ZBTB16: variants seen among roughly 807,000 people sequenced by gnomAD.
ZBTB16 encodes zinc finger and BTB domain-containing protein 16.
Under a neutral mutation model 56.8 loss-of-function variants are expected in ZBTB16, and 8 were observed. The observed-to-expected ratio is 0.14, with a 90% CI of 0.08 to 0.25. ZBTB16 has a LOEUF of 0.25. ZBTB16 is among the 10% of genes least tolerant of loss of function. ZBTB16 has a pLI of 1.00. For synonymous variants in ZBTB16, 363 were observed against 368.5 expected (o/e 0.98, Z 0.17); for missense variants, 625 against 903.0 (o/e 0.69, Z 3.95).
In ZBTB16 at chr11:114,252,431, G is replaced by T. The variant is rs1308248607; in HGVS notation, c.*1876G>T. 1.3e-5 allele frequency among the ~76,000 whole-genome samples: 2 copies of T among 151,904 alleles called. No individual in the cohort carries two copies. Among genetic ancestry groups the T allele is most frequent in the Non-Finnish European group, 2.9e-5 (2 of 67,988 alleles). ...TTTGTTGTGTTGGGGTGGGGGTGTTGTTTTTCTAAAAGCTACCTCTTATGT... is the reference window on the plus strand; with the variant it reads ...TTTGTTGTGTTGGGGTGGGGGTGTTTTTTTTCTAAAAGCTACCTCTTATGT... On this transcript the variant is annotated 3_prime_UTR_variant, in exon 7 of 7. Coordinates refer to ENST00000335953, the MANE Select transcript of ZBTB16 (RefSeq NM_006006.6).
At chr11:114,215,417 C>T (rs973482820) in intron 4 of ZBTB16, among the ~76,000 whole-genome samples, 1 of 152,264 alleles carries the variant, frequency 6.6e-6, no homozygotes, top group African/African-American at 2.4e-5. Flanking sequence ...CCAGGATGAC[C>T]AAGACCTCAC....
chr11:114,244,056 C>A (rs955029543), intron 5 of ZBTB16, among the ~76,000 whole-genome samples: 2 of 152,186 alleles, frequency 1.3e-5, no homozygotes, highest in Non-Finnish European at 2.9e-5. Flanking sequence ...ACTGCGCACA[C>A]AAGCCATATA....
At chr11:114,210,206 T>TGC (rs141588183) in intron 4 of ZBTB16, among the ~76,000 whole-genome samples, 5,427 of 118,082 alleles carry the variant, frequency 0.046, 146 homozygotes, top group Middle Eastern at 0.1. Context: ...TGCGCGCGCG[T>TGC]GCACAGTTTG....
intron 2 of ZBTB16, among the ~76,000 whole-genome samples, chr11:114,131,029 C>T (rs1164029013): frequency 1.3e-5 from 2 of 152,184 alleles, no homozygotes; most frequent in Non-Finnish European, 2.9e-5. Context: ...TCTTGCAGCA[C>T]ACGAGGGCCG....
chr11:114,140,956 T>A (rs1425740543), intron 2 of ZBTB16, among the ~76,000 whole-genome samples: 3 of 152,088 alleles, frequency 2.0e-5, no homozygotes, highest in African/African-American at 7.2e-5. Flanking sequence ...CCCAGCCAGC[T>A]CCATTGTTTC....
At chr11:114,210,111 C>A (rs1207368555) in intron 4 of ZBTB16, 4 of 251,156 alleles carry the variant, frequency 1.6e-5, no homozygotes, top group Non-Finnish European at 2.5e-5. Flanking sequence ...CTCTGTGAAA[C>A]ATTGCAAATG....
In ZBTB16 at chr11:114,064,179, G is replaced by A. The variant is rs1176908997; in HGVS notation, c.879G>A (p.Arg293=). The A allele has an allele frequency of 1.9e-6, 3 of 1,613,902 alleles. No homozygotes were observed. Among genetic ancestry groups the A allele is most frequent in the Admixed American group, 1.7e-5 (1 of 60,018 alleles). Residue 293 remains arginine, a synonymous_variant, in exon 2 of 7, where the codon AGG becomes AGA. Transcript: ENST00000335953. This position sits in a 1 kb window ranked among gnomAD's most constrained non-coding sequence, Gnocchi z 4.2. The part of the protein sequence containing the change: ...PTRSSVITSA[R]ELHYGREESA... ...GAAGCAGCGTCATCACCAGTGCTAG[G>A]GAGCTACACTATGGGCGAGAGGAGA...
At chr11:114,112,760 C>CTT (rs398017637) in intron 2 of ZBTB16, among the ~76,000 whole-genome samples, 2,512 of 133,102 alleles carry the variant, frequency 0.019, 54 homozygotes, top group African/African-American at 0.043. Context: ...AGTTCATTTT[C>CTT]TTTTTTTTTT....
chr11:114,216,957 G>C (rs1432331713), intron 4 of ZBTB16, among the ~76,000 whole-genome samples: 5 of 152,098 alleles, frequency 3.3e-5, no homozygotes, highest in Non-Finnish European at 7.3e-5. Flanking sequence ...TTATACACAG[G>C]ATACTGTGGT....
At chr11:114,105,791 A>G (rs1387385936) in intron 2 of ZBTB16, among the ~76,000 whole-genome samples, 1 of 152,206 alleles carries the variant, frequency 6.6e-6, no homozygotes, top group Non-Finnish European at 1.5e-5. Context: ...ACAAATTGTC[A>G]CCGAGGGTAC....
At chr11:114,207,055 A>G (rs563892066) in intron 4 of ZBTB16, among the ~76,000 whole-genome samples, 2 of 152,116 alleles carry the variant, frequency 1.3e-5, no homozygotes, top group Non-Finnish European at 2.9e-5. Flanking sequence ...AAAGGTGGCA[A>G]TGGAGGGTGG....
intron 3 of ZBTB16, among the ~76,000 whole-genome samples, chr11:114,185,670 T>C (rs1384429653): frequency 6.6e-6 from 1 of 152,134 alleles, no homozygotes; most frequent in African/African-American, 2.4e-5. Context: ...AGCAAGGGCC[T>C]GAATGGGGTG....
In ZBTB16 at chr11:114,253,000, G is replaced by C. The variant is rs141654946; in HGVS notation, c.*2445G>C. ...AAGTTAAACTTGAAATACGTGACTA[G>C]AACAGTTGTCATGTTTATAATGTGA... On this transcript the variant is annotated 3_prime_UTR_variant, in exon 7 of 7. Transcript: ENST00000335953. Among the ~76,000 whole-genome samples, 1 of 152,312 alleles carries C rather than the reference G, an allele frequency of 6.6e-6. No individual in the cohort carries two copies. The highest frequency in any genetic ancestry group is 2.4e-5 in the African/African-American group (1 of 41,560).
chr11:114,237,023 A>G (rs967135030), intron 4 of ZBTB16, among the ~76,000 whole-genome samples: 2 of 152,186 alleles, frequency 1.3e-5, no homozygotes, highest in Admixed American at 1.3e-4. Flanking sequence ...CAGCTTAGGC[A>G]TGTGTATTGT....
At chr11:114,151,395 C>T (rs1193298349) in intron 2 of ZBTB16, among the ~76,000 whole-genome samples, 1 of 152,166 alleles carries the variant, frequency 6.6e-6, no homozygotes, top group African/African-American at 2.4e-5. Context: ...TATAAATGCC[C>T]TTACAGGATG....
intron 3 of ZBTB16, among the ~76,000 whole-genome samples, chr11:114,167,078 G>A (rs1591739949): frequency 6.6e-6 from 1 of 152,246 alleles, no homozygotes; most frequent in East Asian, 1.9e-4. Flanking sequence ...ATGGGGCAGA[G>A]AACAGGCTAA....
At chr11:114,080,201 T>G (rs1012414566) in intron 2 of ZBTB16, among the ~76,000 whole-genome samples, 1 of 150,164 alleles carries the variant, frequency 6.7e-6, no homozygotes. Context: ...TGTTCAAATC[T>G]TAGCCTGGTA....
chr11:114,190,915 A>T (rs1169092636), intron 4 of ZBTB16, among the ~76,000 whole-genome samples: 1 of 152,178 alleles, frequency 6.6e-6, no homozygotes, highest in East Asian at 1.9e-4. Flanking sequence ...AGGAAGCATG[A>T]TGCTGGCATC....
chr11:114,066,407 C>G (rs982321528), intron 2 of ZBTB16, among the ~76,000 whole-genome samples: 19 of 152,146 alleles, frequency 1.2e-4, no homozygotes, highest in Non-Finnish European at 1.5e-5. Flanking sequence ...TGTTTTTGCT[C>G]AAACTTTCCT....
Sources: allele counts gnomAD v4.1 joint callset (sites outside exome capture counted in the v4.1 genomes callset), GRCh38; gene constraint gnomAD v4.1.1; non-coding constraint Gnocchi (gnomAD v3.1); transcripts MANE v1.5; gene names NCBI Gene and HGNC (gene_info 2026-07-23, HGNC 2026-07-21).